CUL9: variants seen among roughly 807,000 people sequenced by gnomAD.
The protein encoded by CUL9 is cullin 9, also known as cullin-9.
A neutral mutation model predicts 272.6 loss-of-function variants in CUL9; 79 were observed. The ratio of observed to expected loss-of-function variants is 0.29; its 90% CI spans 0.24 to 0.35. The LOEUF is 0.35. CUL9 is among the 10% of genes least tolerant of loss of function. The pLI, the probability that CUL9 is intolerant of heterozygous loss-of-function variation, is 1.00. For missense variants in CUL9, 2,532 were observed against 3,255.6 expected, an observed-to-expected ratio of 0.78 and a Z score of 5.41; for synonymous variants, 1,186 against 1,286.5, an observed-to-expected ratio of 0.92 and a Z score of 1.67.
chr6:43,201,700 CG>C (rs1774583558), intron 16 of CUL9, among the ~76,000 whole-genome samples: 1 of 152,170 alleles, frequency 6.6e-6, no homozygotes, highest in Non-Finnish European at 1.5e-5. Flanking sequence ...AGGATGGTCT[CG>C]ATCTCCTGAC....
At chr6:43,192,908 A>G (rs1403370651) in intron 8 of CUL9, 93 bp from the exon 9 acceptor site, 19 of 1,078,292 alleles carry the variant, frequency 1.8e-5, no homozygotes, top group Non-Finnish European at 2.4e-5. Context: ...ATCTTGGTGG[A>G]TGGGATTGGT....
Position 43,213,649 on chromosome 6 carries a change from C to T in CUL9, c.5489-64C>T. 1 of 1,603,452 alleles carries T rather than the reference C, an allele frequency of 6.2e-7. No individual in the cohort carries two copies. Among genetic ancestry groups the T allele is most frequent in the South Asian group, 1.1e-5 (1 of 90,508 alleles). On this transcript the variant is annotated intron_variant, in intron 28 of 40. Transcript: ENST00000252050. The surrounding 1 kb of genome is among the most constrained non-coding windows in gnomAD (Gnocchi z 5.7). ...GATGGGGGGACTGTGAGAATGGGGT[C>T]ATCTTAGTCCCCATTCATCTGTCCC...
chr6:43,187,678 C>T, intron 6 of CUL9, 35 bp from the exon 7 acceptor site: 1 of 1,598,052 alleles, frequency 6.3e-7, no homozygotes, highest in Non-Finnish European at 8.5e-7. Flanking sequence ...TTTGTGTCTG[C>T]TTGTCTCTTA....
chr6:43,206,042 C>G lies in CUL9; in HGVS notation c.4829C>G (p.Ser1610Trp). The change falls in exon 25 of 41, where the codon TCG (serine) becomes TGG (tryptophan). Residue 1610 changes from serine (S) to tryptophan (W), a missense_variant. Coordinates refer to ENST00000252050, the MANE Select transcript of CUL9 (RefSeq NM_015089.4). The surrounding 1 kb of genome is among the most constrained non-coding windows in gnomAD (Gnocchi z 4.8). ...YMADRLLSFG[S>W]SWLEGAVLEQ... ...GCGGACCGTCTCCTGAGCTTTGGTT[C>G]GAGCTGGCTGGAGGGGGCTGTGCTA... 2 of 1,614,064 alleles carry G rather than the reference C, an allele frequency of 1.2e-6. No individual in the cohort carries two copies.
rs756405279 is a variant in CUL9, at chr6:43,206,260, TGA to T, written c.5022+30_5022+31del. On this transcript the variant is annotated intron_variant, in intron 25 of 40. Transcript: ENST00000252050. The surrounding 1 kb of genome is among the most constrained non-coding windows in gnomAD (Gnocchi z 4.8). ...GGTAAGAGCAGGGAGAATAGGAGAGTGAGAGAAGACTAGACCAAGGAAGGGAG... is the reference window on the plus strand; with the variant it reads ...GGTAAGAGCAGGGAGAATAGGAGAGTGAGAAGACTAGACCAAGGAAGGGAG... 7.1e-5 allele frequency: 114 copies of T among 1,609,678 alleles called. 1 individual carries two copies. Among genetic ancestry groups the T allele is most frequent in the Non-Finnish European group, 8.4e-5 (99 of 1,177,838 alleles).
In CUL9 at chr6:43,223,778, T is replaced by C; in HGVS notation, c.7285-317T>C. The C allele has an allele frequency of 2.0e-6, 1 of 506,990 alleles. No homozygotes were observed. Among genetic ancestry groups the C allele is most frequent in the East Asian group, 3.5e-5 (1 of 28,816 alleles). The allele number at this position is 506,990 out of a possible 1,614,324, so 31.4% of individuals were successfully genotyped here. ...AGGGCTCTCCCAGGCTCTCTCCAGC[T>C]CTAATGCACTGATGCTGAGTCTAAA... On this transcript the variant is annotated intron_variant, in intron 39 of 40. Coordinates refer to ENST00000252050, the MANE Select transcript of CUL9 (RefSeq NM_015089.4). This position sits in a 1 kb window ranked among gnomAD's most constrained non-coding sequence, Gnocchi z 4.1.
chr6:43,216,382 G>A lies in CUL9; in HGVS notation c.6161G>A (p.Gly2054Glu). 3 of 1,614,136 alleles carry A rather than the reference G, an allele frequency of 1.9e-6. No individual in the cohort carries two copies. The highest frequency in any genetic ancestry group is 2.5e-6 in the Non-Finnish European group (3 of 1,180,014). Reference protein sequence around the residue: ...EDPEPLLLAAGLCVHQAQAVP... With the variant: ...EDPEPLLLAAELCVHQAQAVP... Reference sequence around the variant, plus strand: ...CCTGAGCCACTGCTGCTGGCAGCTGGGCTGTGCGTACACCAGGCTCAGGCT... The same window carrying A: ...CCTGAGCCACTGCTGCTGGCAGCTGAGCTGTGCGTACACCAGGCTCAGGCT... The change falls in exon 31 of 41, where the codon GGG (glycine) becomes GAG (glutamate). Residue 2054 changes from glycine (G) to glutamate (E), a missense_variant. By Grantham distance (98) the Gly-to-Glu change is moderately conservative (BLOSUM62 -2). This residue lies in a region of CUL9 where 2,218 missense variants were observed against 2,788.6 expected (regional missense o/e 0.80). Coordinates refer to ENST00000252050, the MANE Select transcript of CUL9 (RefSeq NM_015089.4).
At chr6:43,222,182 C>A in intron 35 of CUL9, 134 bp from the exon 36 acceptor site, 1 of 737,452 alleles carries the variant, frequency 1.4e-6, no homozygotes, top group Non-Finnish European at 2.4e-6. Flanking sequence ...ACCTACTCCA[C>A]ACAGTCATGA....
intron 31 of CUL9, among the ~76,000 whole-genome samples, chr6:43,217,387 A>G (rs1422126284): frequency 6.6e-6 from 1 of 152,146 alleles, no homozygotes; most frequent in East Asian, 1.9e-4. Flanking sequence ...GCTTGCTTCT[A>G]TATAGTGGAC....
chr6:43,186,151 G>C lies in CUL9; in HGVS notation c.947G>C (p.Ser316Thr), dbSNP rs1057252064. 2.5e-6 allele frequency: 4 copies of C among 1,614,240 alleles called. No individual in the cohort carries two copies. The highest frequency in any genetic ancestry group is 3.4e-6 in the Non-Finnish European group (4 of 1,180,044). Reference sequence around the variant, plus strand: ...AACCTCATCTCTGAGCTTGTGCGGAGCATGGGCTGGGCCCGGAACCTCAGC... The same window carrying C: ...AACCTCATCTCTGAGCTTGTGCGGACCATGGGCTGGGCCCGGAACCTCAGC... ...VGNLISELVR[S>T]MGWARNLSEQ... Residue 316 changes from serine to threonine, a missense_variant, in exon 4 of 41, where the codon AGC (serine) becomes ACC (threonine). Ser to Thr is a moderately conservative substitution (Grantham distance 58, BLOSUM62 1). Transcript: ENST00000252050.
chr6:43,216,007 C>A, intron 30 of CUL9, 151 bp from the exon 31 acceptor site: 1 of 670,828 alleles, frequency 1.5e-6, no homozygotes, highest in Non-Finnish European at 2.5e-6. Context: ...GGAGGATCTG[C>A]TCTGACGGTT....
intron 8 of CUL9, among the ~76,000 whole-genome samples, chr6:43,191,316 T>G (rs1199864504): frequency 6.7e-6 from 1 of 148,980 alleles, no homozygotes; most frequent in Admixed American, 6.7e-5. Flanking sequence ...TTTTTGTTTG[T>G]TTTTTTGTTT....
At position 43,196,762 on chromosome 6, in the gene CUL9, A is replaced by G. The variant is rs1774035107; in HGVS notation, c.2703A>G (p.Ser901=). The G allele has an allele frequency of 1.2e-6, 2 of 1,614,088 alleles. No individual in the cohort carries two copies. Among genetic ancestry groups the G allele is most frequent in the South Asian group, 2.2e-5 (2 of 91,096 alleles). Residue 901 remains serine (S), a synonymous_variant, in exon 11 of 41, where the codon TCA becomes TCG. Transcript: ENST00000252050. ...QELRDTLFRH[S]GIAPRTEPMP... ...TGAGAGACACGTTGTTTAGGCACTC[A>G]GGGATAGCACCAAGAACAGAACCTA...
At chr6:43,204,169 TC>T (rs1233522997) in intron 20 of CUL9, 182 bp downstream of exon 20, 7 of 1,038,206 alleles carry the variant, frequency 6.7e-6, no homozygotes, top group Non-Finnish European at 9.6e-6. Context: ...TTTGAATCTT[TC>T]CCACTACCCC....
rs145732465 is a variant in CUL9, at chr6:43,184,389, C to T, written c.79C>T (p.Arg27Ter). Residue 27 changes from arginine (R) to a stop codon, truncating the protein, a stop_gained, in exon 2 of 41, where the codon CGA becomes TGA. Transcript: ENST00000252050. LOFTEE classifies it high-confidence loss of function. This position sits in a 1 kb window ranked among gnomAD's most constrained non-coding sequence, Gnocchi z 4.8. ...GCAGGCATATCCTGAAGAACTCATT[C>T]GACAGAGGCCTGGGCATGACGGGCA... ...RLQAYPEELI[R>*]QRPGHDGHPE... The T allele has an allele frequency of 5.6e-6, 9 of 1,610,848 alleles. No individual in the cohort carries two copies. Among genetic ancestry groups the T allele is most frequent in the Non-Finnish European group, 7.6e-6 (9 of 1,178,064 alleles).
rs531967221 is a variant in CUL9, at chr6:43,213,212, G to A, written c.5276G>A (p.Arg1759Gln). 71 of 1,614,128 alleles carry A rather than the reference G, an allele frequency of 4.4e-5. No homozygotes were observed. Among genetic ancestry groups the A allele is most frequent in the Admixed American group, 2.3e-4 (14 of 60,020 alleles). The change falls in exon 27 of 41, where the codon CGG (arginine) becomes CAG (glutamine). Residue 1759 changes from arginine to glutamine, a missense_variant. Arg to Gln is a conservative substitution (Grantham distance 43, BLOSUM62 1). This residue lies in a region of CUL9 where 2,218 missense variants were observed against 2,788.6 expected (regional missense o/e 0.80). Transcript: ENST00000252050. This position sits in a 1 kb window ranked among gnomAD's most constrained non-coding sequence, Gnocchi z 5.7. ...HRRLQWTWLG[R>Q]AELQFGKQIL... Reference sequence around the variant, plus strand: ...CGACTGCAGTGGACGTGGCTGGGCCGGGCTGAGCTGCAGTTTGGGAAGCAG... The same window carrying A: ...CGACTGCAGTGGACGTGGCTGGGCCAGGCTGAGCTGCAGTTTGGGAAGCAG...
In CUL9 at chr6:43,222,652, G is replaced by A. The variant is rs750584078; in HGVS notation, c.7032+11G>A. ...GAGCAGGCTCGGAAGGTGGTAGCGG[G>A]TGGGGGAAGAGAGCAGGGGAGGGGT... is the stretch of plus-strand genomic sequence containing the variant. On this transcript the variant is annotated intron_variant, in intron 37 of 40. Coordinates refer to ENST00000252050, the MANE Select transcript of CUL9 (RefSeq NM_015089.4). The A allele has an allele frequency of 3.1e-6, 5 of 1,611,350 alleles. No homozygotes were observed. The highest frequency in any genetic ancestry group is 4.2e-6 in the Non-Finnish European group (5 of 1,179,904).
At chr6:43,190,233 T>A (rs1431058910) in intron 8 of CUL9, among the ~76,000 whole-genome samples, 4 of 152,176 alleles carry the variant, frequency 2.6e-5, no homozygotes, top group Non-Finnish European at 4.4e-5. Context: ...TTTAAATGAT[T>A]GGTATCTCTT....
rs1012486764 is a variant in CUL9 at position 43,213,081 on chromosome 6, A to T, written c.5213-68A>T. 1 of 1,559,188 alleles carries T rather than the reference A, an allele frequency of 6.4e-7. No homozygotes were observed. The highest frequency in any genetic ancestry group is 1.8e-5 in the Admixed American group (1 of 56,154). ...GGGACTAGTAGGAGCAAAGCTTGACACCTCAACCCCTAAACCCCTTGTTTC... is the reference window on the plus strand; with the variant it reads ...GGGACTAGTAGGAGCAAAGCTTGACTCCTCAACCCCTAAACCCCTTGTTTC... On this transcript the variant is annotated intron_variant, in intron 26 of 40. Transcript: ENST00000252050. The surrounding 1 kb of genome is among the most constrained non-coding windows in gnomAD (Gnocchi z 5.7).
Sources: gnomAD v4.1 joint callset for allele counts (sites outside exome capture counted in the v4.1 genomes callset) on GRCh38, gnomAD v4.1.1 for gene constraint, gnomAD v4.1.1 regional missense constraint, Gnocchi (gnomAD v3.1) non-coding constraint, MANE v1.5 for transcripts, NCBI Gene and HGNC (gene_info 2026-07-23, HGNC 2026-07-21) for gene names.